Variants in GAD1 observed in about 807,000 individuals in gnomAD.
GAD1 encodes 67 kDa glutamic acid decarboxylase.
Under a neutral mutation model 75.2 loss-of-function variants are expected in GAD1, and 35 were observed. The ratio of observed to expected loss-of-function variants is 0.47; its 90% CI spans 0.36 to 0.62. The LOEUF (loss-of-function observed/expected upper bound fraction) is 0.62. Among genes scored for constraint, GAD1 ranks in the 20% least tolerant of loss-of-function variants. The pLI, the probability that GAD1 is intolerant of heterozygous loss-of-function variation, is 0.00. For synonymous variants in GAD1, 257 were observed against 271.9 expected, an observed-to-expected ratio of 0.95 and a Z score of 0.54; for missense variants, 490 against 758.5, an observed-to-expected ratio of 0.65 and a Z score of 4.16.
intron 3 of GAD1, among the ~76,000 whole-genome samples, chr2:170,827,043 A>G (rs992453797): frequency 6.6e-6 from 1 of 151,906 alleles, no homozygotes; most frequent in African/African-American, 2.4e-5. Context: ...CCCCCTTCTC[A>G]TGTCCTTTGG....
chr2:170,844,743 A>G (rs1346407869), intron 7 of GAD1, among the ~76,000 whole-genome samples: 1 of 152,236 alleles, frequency 6.6e-6, no homozygotes, highest in Non-Finnish European at 1.5e-5. Context: ...TAGATAAAAT[A>G]AGAATTTTTA....
In GAD1 at chr2:170,859,919, T is replaced by C. The variant is rs973996456; in HGVS notation, c.*37T>C. ...AGAACATGAGTTTATGGGAATGCCT[T>C]TTCCCTCTGGCACTCCAGAACAAAC... is the stretch of plus-strand genomic sequence containing the variant. On this transcript the variant is annotated 3_prime_UTR_variant, in exon 17 of 17. Transcript: ENST00000358196. The C allele has an allele frequency of 6.3e-6, 10 of 1,597,672 alleles. No homozygotes were observed. Among genetic ancestry groups the C allele is most frequent in the African/African-American group, 1.3e-5 (1 of 74,670 alleles).
At chr2:170,849,699 A>G (rs565380293) in intron 12 of GAD1, among the ~76,000 whole-genome samples, 3 of 152,334 alleles carry the variant, frequency 2.0e-5, no homozygotes, top group Admixed American at 6.5e-5. Context: ...CTATCAATCA[A>G]TCAATCAATC....
intron 12 of GAD1, among the ~76,000 whole-genome samples, chr2:170,852,013 A>T (rs1702751909): frequency 6.6e-6 from 1 of 152,180 alleles, no homozygotes; most frequent in Admixed American, 6.5e-5. Flanking sequence ...ATAAATGAGA[A>T]GAGAAAGGCA....
chr2:170,830,854 C>G (rs1702202871), intron 4 of GAD1, 96 bp from the exon 5 acceptor site: 1 of 1,479,252 alleles, frequency 6.8e-7, no homozygotes, highest in Non-Finnish European at 9.4e-7. Context: ...TGAAATCAGG[C>G]CTATACAGAT....
chr2:170,859,120 C>T (rs181039872), intron 16 of GAD1, among the ~76,000 whole-genome samples: 11 of 152,278 alleles, frequency 7.2e-5, no homozygotes, highest in Admixed American at 7.2e-4. Flanking sequence ...CATCTTGTCT[C>T]CTTGTCCTTG....
At chr2:170,829,744 C>A in intron 4 of GAD1, 111 bp downstream of exon 4, 1 of 1,245,876 alleles carries the variant, frequency 8.0e-7, no homozygotes. Flanking sequence ...ATTATTCTCT[C>A]TGAACCCACA....
At position 170,818,256 on chromosome 2, in the gene GAD1, G is replaced by A; in HGVS notation, c.-63-273G>A. 1 of 181,516 alleles carries A rather than the reference G, an allele frequency of 5.5e-6. No individual in the cohort carries two copies. The highest frequency in any genetic ancestry group is 1.1e-5 in the Non-Finnish European group (1 of 94,438). 11.2% of individuals were successfully genotyped at this position (181,516 alleles called of 1,614,324 possible). On this transcript the variant is annotated intron_variant, in intron 1 of 16. Coordinates refer to ENST00000358196, the MANE Select transcript of GAD1 (RefSeq NM_000817.3). This position sits in a 1 kb window ranked among gnomAD's most constrained non-coding sequence, Gnocchi z 5.9. ...CCCGACCCCGACCCCGCCTCGTCTC[G>A]GCGCTTCACTCCAGGTCGCGCCGAT... is the stretch of plus-strand genomic sequence containing the variant.
At chr2:170,831,928 T>C (rs938473993) in intron 5 of GAD1, among the ~76,000 whole-genome samples, 4 of 151,462 alleles carry the variant, frequency 2.6e-5, no homozygotes, top group Non-Finnish European at 4.4e-5. Flanking sequence ...ATCGTGCCAC[T>C]GCACTCCAGC....
At chr2:170,830,906 GAT>G in intron 4 of GAD1, 42 bp from the exon 5 acceptor site, 1 of 1,613,860 alleles carries the variant, frequency 6.2e-7, no homozygotes. Flanking sequence ...AAGAAATCTA[GAT>G]ATGAGTCAGG....
intron 4 of GAD1, 73 bp downstream of exon 4, chr2:170,829,706 A>G (rs1702172155): frequency 3.3e-6 from 5 of 1,504,448 alleles, no homozygotes; most frequent in Non-Finnish European, 3.7e-6. Flanking sequence ...TTTTTCCTGC[A>G]ATTTTACTTC....
At chr2:170,813,789 T>C (rs1177918491), upstream of GAD1, among the ~76,000 whole-genome samples, 1 of 152,234 alleles carries the variant, frequency 6.6e-6, no homozygotes, top group African/African-American at 2.4e-5. Flanking sequence ...CGGAGGGTCG[T>C]GTTCCCAAGT....
chr2:170,842,385 C>A (rs1702535833), intron 6 of GAD1, among the ~76,000 whole-genome samples: 1 of 152,200 alleles, frequency 6.6e-6, no homozygotes, highest in South Asian at 2.1e-4. Flanking sequence ...CTAGCACAGA[C>A]ACTGCCACCA....
Position 170,845,686 on chromosome 2 carries a change from C to T in GAD1, c.868-20C>T, listed in dbSNP as rs1359199805. 4.3e-6 allele frequency: 7 copies of T among 1,613,798 alleles called. No homozygotes were observed. The highest frequency in any genetic ancestry group is 2.2e-5 in the East Asian group (1 of 44,882). Reference sequence around the variant, plus strand: ...TAGGGGACTTTCCAACTTCTAACCTCGAGCCTCTGTTTGTTGCAGAGTCAC... The same window carrying T: ...TAGGGGACTTTCCAACTTCTAACCTTGAGCCTCTGTTTGTTGCAGAGTCAC... On this transcript the variant is annotated intron_variant, in intron 8 of 16. Transcript: ENST00000358196.
chr2:170,827,104 C>G (rs925376225), intron 3 of GAD1, among the ~76,000 whole-genome samples: 13 of 152,106 alleles, frequency 8.5e-5, no homozygotes, highest in African/African-American at 1.7e-4. Flanking sequence ...AGCTTGGTGG[C>G]TCTGCTTTCC....
chr2:170,849,439 C>A, intron 12 of GAD1, 89 bp downstream of exon 12: 1 of 1,214,332 alleles, frequency 8.2e-7, no homozygotes, highest in Non-Finnish European at 1.2e-6. Context: ...CTGCCCTGAT[C>A]CCCAGCATCA....
At chr2:170,857,155 G>A in intron 15 of GAD1, 30 bp downstream of exon 15, 1 of 1,560,928 alleles carries the variant, frequency 6.4e-7, no homozygotes, top group Non-Finnish European at 8.8e-7. Context: ...CAGGTACACA[G>A]TATTTCCAGA....
chr2:170,820,317 C>G (rs894520597), intron 2 of GAD1, among the ~76,000 whole-genome samples: 4 of 152,200 alleles, frequency 2.6e-5, no homozygotes, highest in African/African-American at 9.6e-5. Context: ...TGAATCCGCA[C>G]GTGGCCTGGT....
intron 7 of GAD1, among the ~76,000 whole-genome samples, chr2:170,844,494 G>A (rs1328706305): frequency 7.5e-5 from 11 of 145,944 alleles, no homozygotes; most frequent in African/African-American, 2.6e-4. Context: ...CTGCAGCCTC[G>A]AACTCCTGGG....
Sources: allele counts gnomAD v4.1 joint callset (sites outside exome capture counted in the v4.1 genomes callset), GRCh38; gene constraint gnomAD v4.1.1; non-coding constraint Gnocchi (gnomAD v3.1); transcripts MANE v1.5; gene names NCBI Gene and HGNC (gene_info 2026-07-23, HGNC 2026-07-21).